Variants in CHN2 observed in about 807,000 individuals in gnomAD.
The protein encoded by CHN2 is beta-chimaerin.
CHN2 carries 35 observed loss-of-function variants against 56.3 expected under a neutral mutation model. The observed-to-expected ratio is 0.62, with a 90% confidence interval of 0.47 to 0.82. The LOEUF (loss-of-function observed/expected upper bound fraction) is 0.82, where lower values mean the gene tolerates loss of function less well. CHN2 is among the 40% of genes least tolerant of loss of function. The probability of loss-of-function intolerance (pLI) is 0.00; values close to 1 mark genes in which losing one functional copy is unlikely to be tolerated. For missense variants in CHN2, 491 were observed against 580.5 expected (o/e 0.85, Z 1.58); for synonymous variants, 210 against 212.8 (o/e 0.99, Z 0.12).
At chr7:29,360,339 T>C (rs1249222276) in intron 2 of CHN2, among the ~76,000 whole-genome samples, 2 of 151,918 alleles carry the variant, frequency 1.3e-5, no homozygotes, top group African/African-American at 2.4e-5. Flanking sequence ...CTGACCAATA[T>C]GGAGAAACCC....
intron 6 of CHN2, among the ~76,000 whole-genome samples, chr7:29,402,332 T>A (rs1802289889): frequency 6.6e-6 from 1 of 152,258 alleles, no homozygotes; most frequent in South Asian, 2.1e-4. Context: ...TTTCTTTTTA[T>A]AACTCCAGTG....
At chr7:29,469,621 C>T (rs1376259002) in intron 6 of CHN2, among the ~76,000 whole-genome samples, 1 of 152,214 alleles carries the variant, frequency 6.6e-6, no homozygotes. Context: ...CATGGCTCAC[C>T]TATCACCTCC....
intron 1 of CHN2, among the ~76,000 whole-genome samples, chr7:29,250,851 C>G (rs919914613): frequency 9.4e-5 from 14 of 148,430 alleles, no homozygotes; most frequent in Non-Finnish European, 1.8e-4. Flanking sequence ...GCTGGGATTA[C>G]AGGCACCCGC....
At chr7:29,192,174 TTTGTTGGCC>T (rs1782969204), upstream of CHN2, 1 of 152,342 alleles carries the variant, frequency 6.6e-6, no homozygotes, top group African/African-American at 2.4e-5. Flanking sequence ...AGCAAGCGTG[TTTGTTGGCC>T]TTGTATTCCT....
intron 1 of CHN2, among the ~76,000 whole-genome samples, chr7:29,237,075 C>T (rs1233722828): frequency 6.6e-6 from 1 of 152,164 alleles, no homozygotes. Flanking sequence ...ATGACAGTAC[C>T]GAAACAGCTG....
At chr7:29,305,162 C>T (rs1231108231) in intron 1 of CHN2, among the ~76,000 whole-genome samples, 5 of 152,180 alleles carry the variant, frequency 3.3e-5, no homozygotes, top group Middle Eastern at 3.4e-3. Context: ...GACAGGCAGG[C>T]CAGGAAATTC....
At chr7:29,491,337 A>G (rs1324077519) in intron 7 of CHN2, among the ~76,000 whole-genome samples, 4 of 152,104 alleles carry the variant, frequency 2.6e-5, no homozygotes, top group Non-Finnish European at 5.9e-5. Context: ...GTACTTTTCT[A>G]TTGCATCTTT....
chr7:29,409,796 TTGG>T (rs1803026569), intron 6 of CHN2, among the ~76,000 whole-genome samples: 1 of 152,246 alleles, frequency 6.6e-6, no homozygotes, highest in Non-Finnish European at 1.5e-5. Context: ...TCCCCAAACA[TTGG>T]TGGGCCACAG....
chr7:29,414,272 C>T (rs1274866076), intron 6 of CHN2, among the ~76,000 whole-genome samples: 4 of 152,252 alleles, frequency 2.6e-5, no homozygotes, highest in South Asian at 2.1e-4. Flanking sequence ...GAAACACCCC[C>T]GAACTCTGGG....
At chr7:29,466,288 T>C (rs982791688) in intron 6 of CHN2, among the ~76,000 whole-genome samples, 3 of 152,184 alleles carry the variant, frequency 2.0e-5, no homozygotes, top group Non-Finnish European at 4.4e-5. Context: ...ATCATAGCTA[T>C]ACTCTACATA....
rs889163204 is a variant in CHN2 at position 29,412,546 on chromosome 7, G to T, written c.576+11718G>T. Among the ~76,000 whole-genome samples, 7 of 152,176 alleles carry T rather than the reference G, an allele frequency of 4.6e-5. No individual in the cohort carries two copies. The East Asian group carries it at 1.4e-3, about 29-fold the overall frequency. Reference sequence around the variant, plus strand: ...AGGTTTCACCATGTTGGCCACAACGGTCTCAATCTCTTGACCTCGTGATCC... The same window carrying T: ...AGGTTTCACCATGTTGGCCACAACGTTCTCAATCTCTTGACCTCGTGATCC... On this transcript the variant is annotated intron_variant, in intron 6 of 12. Transcript: ENST00000222792.
intron 1 of CHN2, among the ~76,000 whole-genome samples, chr7:29,256,271 A>G (rs1303054739): frequency 6.6e-6 from 1 of 152,218 alleles, no homozygotes; most frequent in Non-Finnish European, 1.5e-5. Flanking sequence ...TTCTCAGTCT[A>G]TTTCAGAATC....
chr7:29,367,143 T>G (rs1372825557), intron 2 of CHN2, among the ~76,000 whole-genome samples: 1 of 152,164 alleles, frequency 6.6e-6, no homozygotes, highest in East Asian at 1.9e-4. Context: ...GCTTTTCCCT[T>G]TAGCAGAAAT....
intron 2 of CHN2, among the ~76,000 whole-genome samples, chr7:29,183,937 C>T (rs117369097): frequency 1.4e-4 from 22 of 152,044 alleles, no homozygotes; most frequent in Non-Finnish European, 2.8e-4. Context: ...GGCATAACAA[C>T]GAGTTACATA....
chr7:29,200,042 A>G (rs981041581), intron 1 of CHN2: 1 of 152,196 alleles, frequency 6.6e-6, no homozygotes, highest in Non-Finnish European at 1.5e-5. Flanking sequence ...AAGCAACTGG[A>G]CATTTGGTTT....
At chr7:29,241,125 A>T (rs1276097855) in intron 1 of CHN2, among the ~76,000 whole-genome samples, 1 of 152,040 alleles carries the variant, frequency 6.6e-6, no homozygotes, top group Admixed American at 6.6e-5. Flanking sequence ...ACCTCAAGGG[A>T]TCCTCCCGCC....
rs561845505 is a variant in CHN2 at position 29,292,840 on chromosome 7, C to T, written c.50-61785C>T. 2.4e-4 allele frequency: 108 copies of T among 451,684 alleles called. 1 individual carries two copies. The highest frequency in any genetic ancestry group is 1.9e-3 in the African/African-American group (94 of 50,074). The allele number at this position is 451,684 out of a possible 1,614,324, so 28.0% of individuals were successfully genotyped here. ...ATTATTTTTCTACTTTTGTTGTCAC[C>T]ACCCTAGTCTTGGGGAAGAAAATAT... On this transcript the variant is annotated intron_variant, in intron 1 of 12. Transcript: ENST00000222792.
chr7:29,174,736 T>C (rs1409430996), intron 2 of CHN2, among the ~76,000 whole-genome samples: 1 of 151,904 alleles, frequency 6.6e-6, no homozygotes, highest in Non-Finnish European at 1.5e-5. Context: ...GGCACACACC[T>C]GTAATCCCAG....
chr7:29,390,080 A>G (rs1801242775), intron 3 of CHN2, among the ~76,000 whole-genome samples: 1 of 146,568 alleles, frequency 6.8e-6, no homozygotes, highest in Non-Finnish European at 1.5e-5. Context: ...AGAATCAGCC[A>G]CCATTCTGCA....
Sources: allele counts gnomAD v4.1 joint callset (sites outside exome capture counted in the v4.1 genomes callset), GRCh38; gene constraint gnomAD v4.1.1; transcripts MANE v1.5; gene names NCBI Gene and HGNC (gene_info 2026-07-23, HGNC 2026-07-21).